ZNF536: variants seen among roughly 807,000 people sequenced by gnomAD.
ZNF536 encodes zinc finger protein 536.
ZNF536 carries 13 observed loss-of-function variants against 84.5 expected under a neutral mutation model. The observed-to-expected ratio is 0.15, with a 90% CI of 0.10 to 0.24. The LOEUF (loss-of-function observed/expected upper bound fraction) is 0.24, where lower values mean the gene tolerates loss of function less well. Among genes scored for constraint, ZNF536 ranks in the 10% least tolerant of loss-of-function variants. ZNF536 has a pLI of 1.00. For missense variants in ZNF536, 1,536 were observed against 1,747.5 expected (o/e 0.88, Z 2.16); for synonymous variants, 811 against 742.5 (o/e 1.09, Z -1.50).
chr19:30,582,062 C>T (rs578042774), intron 1 of ZNF536, among the ~76,000 whole-genome samples: 3 of 152,270 alleles, frequency 2.0e-5, no homozygotes, highest in African/African-American at 7.2e-5. Flanking sequence ...GGTGAGGGTC[C>T]GCGGTCCTGC....
At chr19:30,283,725 GAGAA>G (rs1395790818) in intron 1 of ZNF536, among the ~76,000 whole-genome samples, 4 of 146,362 alleles carry the variant, frequency 2.7e-5, no homozygotes, top group African/African-American at 1.1e-4. Flanking sequence ...GACAGCGAGA[GAGAA>G]AGAGAGAGAG....
At chr19:30,514,043 G>A (rs181045437) in intron 2 of ZNF536, among the ~76,000 whole-genome samples, 34 of 152,290 alleles carry the variant, frequency 2.2e-4, no homozygotes, top group African/African-American at 7.9e-4. Flanking sequence ...GAGACCTGGC[G>A]AGCCAGGTCC....
intron 1 of ZNF536, among the ~76,000 whole-genome samples, chr19:30,253,304 G>T (rs1009441052): frequency 6.6e-6 from 1 of 152,276 alleles, no homozygotes; most frequent in East Asian, 1.9e-4. Context: ...GAAGTCTGTT[G>T]CTATAATTAG....
chr19:30,246,281 T>C (rs756042493), intron 1 of ZNF536, among the ~76,000 whole-genome samples: 125 of 152,188 alleles, frequency 8.2e-4, no homozygotes, highest in Non-Finnish European at 1.3e-3. Context: ...TGGGATTGTA[T>C]TGCTCGCGTA....
At chr19:30,550,307 G>T (rs1011675332) in intron 4 of ZNF536, among the ~76,000 whole-genome samples, 1 of 152,150 alleles carries the variant, frequency 6.6e-6, no homozygotes, top group African/African-American at 2.4e-5. Flanking sequence ...CCAGATTTCC[G>T]AACATCATTG....
intron 2 of ZNF536, among the ~76,000 whole-genome samples, chr19:30,475,747 G>T (rs1368013519): frequency 6.6e-6 from 1 of 152,138 alleles, no homozygotes; most frequent in Non-Finnish European, 1.5e-5. Flanking sequence ...ACGAGCCCCA[G>T]ACATGGCCCC....
chr19:30,374,842 C>T (rs1250260034), intron 1 of ZNF536, among the ~76,000 whole-genome samples: 1 of 151,486 alleles, frequency 6.6e-6, no homozygotes, highest in Non-Finnish European at 1.5e-5. Context: ...CGGGTCCGGC[C>T]GGGGGAGCGG....
At chr19:30,307,284 T>C (rs945493932) in intron 2 of ZNF536, among the ~76,000 whole-genome samples, 14 of 151,926 alleles carry the variant, frequency 9.2e-5, no homozygotes, top group Admixed American at 3.9e-4. Flanking sequence ...ATTGCCTTTT[T>C]TAAAAAGAAA....
chr19:30,338,988 C>T (rs547090815), intron 2 of ZNF536, among the ~76,000 whole-genome samples: 3 of 152,254 alleles, frequency 2.0e-5, no homozygotes, highest in Middle Eastern at 3.4e-3. Context: ...CTGCTCTTCC[C>T]TCCATGTCAG....
chr19:30,638,838 A>G (rs538503063), intron 1 of ZNF536, among the ~76,000 whole-genome samples: 2 of 152,338 alleles, frequency 1.3e-5, no homozygotes, highest in African/African-American at 4.8e-5. Flanking sequence ...TGTATTATGC[A>G]AATGGAATCT....
chr19:30,547,825 T>C lies in ZNF536; in HGVS notation c.2324-118T>C, dbSNP rs1054663775. ...TTCTTCTATTAAAAAACAGTTGTTC[T>C]CTAATTATTAGTTTGAGCTGCTTTG... On this transcript the variant is annotated intron_variant, in intron 3 of 4. Transcript: ENST00000355537. 18 of 1,175,530 alleles carry C rather than the reference T, an allele frequency of 1.5e-5. No individual in the cohort carries two copies. In the African/African-American group the frequency reaches 2.3e-4, roughly 15 times the overall value. The allele number at this position is 1,175,530 out of a possible 1,614,324, so 72.8% of individuals were successfully genotyped here. A position where few individuals can be genotyped will look rare whatever the true frequency, so the allele number is the denominator to read the frequency against.
chr19:30,253,016 G>A (rs906121754), intron 1 of ZNF536, among the ~76,000 whole-genome samples: 2 of 152,192 alleles, frequency 1.3e-5, no homozygotes, highest in East Asian at 1.9e-4. Context: ...GAGCAGTAGC[G>A]AGGTGAAAAG....
intron 3 of ZNF536, among the ~76,000 whole-genome samples, chr19:30,545,865 G>A (rs1019562819): frequency 2.0e-5 from 3 of 152,076 alleles, no homozygotes; most frequent in Non-Finnish European, 4.4e-5. Flanking sequence ...TTTCTCTATG[G>A]CCCCTTTGCC....
chr19:30,247,139 G>A (rs1336459046), intron 1 of ZNF536, among the ~76,000 whole-genome samples: 1 of 152,194 alleles, frequency 6.6e-6, no homozygotes, highest in Non-Finnish European at 1.5e-5. Context: ...GTTCCACTAT[G>A]ACTTCAGCTG....
chr19:30,480,647 A>G (rs1229137292), intron 2 of ZNF536, among the ~76,000 whole-genome samples: 1 of 152,186 alleles, frequency 6.6e-6, no homozygotes, highest in Non-Finnish European at 1.5e-5. Context: ...GCAAACCACC[A>G]TGGCACATGT....
chr19:30,576,444 G>A (rs2046739803), intron 1 of ZNF536, among the ~76,000 whole-genome samples: 1 of 152,166 alleles, frequency 6.6e-6, no homozygotes. Flanking sequence ...GACATCTTGG[G>A]AGCCCCAGTT....
intron 2 of ZNF536, among the ~76,000 whole-genome samples, chr19:30,466,583 A>AG (rs200348732): frequency 0.079 from 11,368 of 144,502 alleles, 1,326 homozygotes; most frequent in African/African-American, 0.26. Flanking sequence ...AGAAAGAAAG[A>AG]AAGAGAGAGA....
chr19:30,367,036 C>T (rs2048457615), intron 3 of ZNF536, among the ~76,000 whole-genome samples: 1 of 152,180 alleles, frequency 6.6e-6, no homozygotes, highest in Non-Finnish European at 1.5e-5. Context: ...GTTTGAGGAG[C>T]AGAAAGAAAA....
At chr19:30,308,708 C>G (rs182728524) in intron 2 of ZNF536, among the ~76,000 whole-genome samples, 35 of 152,238 alleles carry the variant, frequency 2.3e-4, no homozygotes, top group Non-Finnish European at 3.8e-4. Flanking sequence ...TGCTCCTCTC[C>G]AGACAGCTTG....
Sources: gnomAD v4.1 joint callset for allele counts (sites outside exome capture counted in the v4.1 genomes callset) on GRCh38, gnomAD v4.1.1 for gene constraint, MANE v1.5 for transcripts, NCBI Gene and HGNC (gene_info 2026-07-23, HGNC 2026-07-21) for gene names.